CCNG2: variants seen among roughly 807,000 people sequenced by gnomAD.
The protein encoded by CCNG2 is cyclin G2.
In CCNG2, 20 loss-of-function variants were observed where a neutral mutation model predicts 36.5. That is an observed-to-expected ratio of 0.55 (90% CI 0.39 to 0.80). The LOEUF (loss-of-function observed/expected upper bound fraction) is 0.80. Among genes scored for constraint, CCNG2 ranks in the 30% least tolerant of loss-of-function variants. The probability of loss-of-function intolerance (pLI) is 0.00; values close to 1 mark genes in which losing one functional copy is unlikely to be tolerated. For missense variants in CCNG2, 358 were observed against 390.8 expected (o/e 0.92, Z 0.71); for synonymous variants, 155 against 140.1 (o/e 1.11, Z -0.75).
At chr4:77,158,736 C>G (rs1444853921) in intron 2 of CCNG2, 66 bp downstream of exon 2, 6 of 1,562,096 alleles carry the variant, frequency 3.8e-6, no homozygotes, top group Non-Finnish European at 5.3e-6. Context: ...AACCCCCCCG[C>G]CCCCGTTGAA....
chr4:77,160,630 G>T (rs1287139111), intron 3 of CCNG2, 91 bp from the exon 4 acceptor site: 1 of 1,277,228 alleles, frequency 7.8e-7, no homozygotes, highest in East Asian at 2.3e-5. Context: ...ATTGTGTTCT[G>T]TCTTAAGAAT....
At chr4:77,161,795 A>G (rs753166871) in intron 6 of CCNG2, 48 bp downstream of exon 6, 2 of 1,183,450 alleles carry the variant, frequency 1.7e-6, no homozygotes, top group East Asian at 2.3e-5. Flanking sequence ...CCTGATGTTT[A>G]TTTTTTTCTG....
rs764910170 is a variant in CCNG2, at chr4:77,165,907, C to G, written c.1018C>G (p.Leu340Val). The G allele has an allele frequency of 6.2e-7, 1 of 1,603,164 alleles. No homozygotes were observed. The highest frequency in any genetic ancestry group is 1.1e-5 in the South Asian group (1 of 88,768). The change falls in exon 8 of 8, where the codon CTG (leucine) becomes GTG (valine). Residue 340 changes from leucine (L) to valine (V), a missense_variant. Leu to Val is a conservative substitution (Grantham distance 32, BLOSUM62 1). Coordinates refer to ENST00000316355, the MANE Select transcript of CCNG2 (RefSeq NM_004354.3). Reference protein sequence around the residue: ...FFFNFKVAQTLCFPS With the variant: ...FFFNFKVAQTVCFPS ...TTTCAACTTCAAAGTGGCACAAACA[C>G]TGTGCTTTCCATCTTAGAAATCTGA...
chr4:77,163,662 AAGG>A (rs746916146), intron 6 of CCNG2, among the ~76,000 whole-genome samples: 22 of 152,368 alleles, frequency 1.4e-4, no homozygotes, highest in Non-Finnish European at 2.6e-4. Context: ...AGGCATTCCG[AAGG>A]AGGAGGGAAA....
At chr4:77,163,077 A>G (rs1022644100) in intron 6 of CCNG2, among the ~76,000 whole-genome samples, 1 of 152,072 alleles carries the variant, frequency 6.6e-6, no homozygotes, top group Admixed American at 6.6e-5. Flanking sequence ...GTGGGTGTCT[A>G]GTAGGTGTTT....
chr4:77,158,100 C>A (rs1269973258), intron 1 of CCNG2, among the ~76,000 whole-genome samples: 1 of 152,086 alleles, frequency 6.6e-6, no homozygotes, highest in East Asian at 1.9e-4. Flanking sequence ...CTTCTTTGTT[C>A]AGTCGCGAGA....
At position 77,168,302 on chromosome 4, in the gene CCNG2, T is replaced by C. The variant is rs1731680698; in HGVS notation, c.*2378T>C. The C allele has an allele frequency of 2.0e-5, 3 of 152,370 alleles. No individual in the cohort carries two copies. The South Asian group carries it at 6.2e-4, about 32-fold the overall frequency. 9.4% of individuals were successfully genotyped at this position (152,370 alleles called of 1,614,324 possible). A position where few individuals can be genotyped will look rare whatever the true frequency, so the allele number is the denominator to read the frequency against. On this transcript the variant is annotated 3_prime_UTR_variant, in exon 8 of 8. Transcript: ENST00000316355. ...TCTCTGTCCCCCCTTTTTCTGCCAT[T>C]GGCATGGTTTAGACCTGTACTCTTT... is the stretch of plus-strand genomic sequence containing the variant.
chr4:77,157,881 G>C (rs1248655681), intron 1 of CCNG2, among the ~76,000 whole-genome samples: 1 of 152,116 alleles, frequency 6.6e-6, no homozygotes, highest in Non-Finnish European at 1.5e-5. Flanking sequence ...GCGCGGGGCG[G>C]GCGGGCTGGA....
rs1401115006 is a variant in CCNG2, at chr4:77,169,420, G to A, written c.*3496G>A. On this transcript the variant is annotated 3_prime_UTR_variant, in exon 8 of 8. Coordinates refer to ENST00000316355, the MANE Select transcript of CCNG2 (RefSeq NM_004354.3). ...CTTTGTGTTTAGCAAATCAAATTGT[G>A]TGATAGATAGTTTCCCAGTATGATG... The A allele has an allele frequency of 2.6e-5, 4 of 152,200 alleles. No homozygotes were observed. Among genetic ancestry groups the A allele is most frequent in the African/African-American group, 9.7e-5 (4 of 41,430 alleles). 9.4% of individuals were successfully genotyped at this position (152,200 alleles called of 1,614,324 possible).
At chr4:77,164,747 G>T in intron 7 of CCNG2, 1 of 287,002 alleles carries the variant, frequency 3.5e-6, no homozygotes, top group Non-Finnish European at 6.6e-6. Flanking sequence ...GTTGCCCAGG[G>T]CTGGTCTTAC....
In CCNG2 at chr4:77,169,201, T is replaced by C. The variant is rs748764912; in HGVS notation, c.*3277T>C. The C allele has an allele frequency of 1.3e-5, 2 of 152,222 alleles. No homozygotes were observed. The highest frequency in any genetic ancestry group is 6.5e-5 in the Admixed American group (1 of 15,282). 9.4% of individuals were successfully genotyped at this position (152,222 alleles called of 1,614,324 possible). ...GCCTTTTTCTTTTTTACAATTTCTT[T>C]TATTTCAACACTAGGTTTCAATATG... On this transcript the variant is annotated 3_prime_UTR_variant, in exon 8 of 8. Transcript: ENST00000316355.
chr4:77,160,979 G>A lies in CCNG2; in HGVS notation c.527+8G>A, dbSNP rs1277182791. Reference sequence around the variant, plus strand: ...TTGTCATACTTCAGAAAGGTCAGTGGGATTAAAGATACATTTTGTACTTTG... The same window carrying A: ...TTGTCATACTTCAGAAAGGTCAGTGAGATTAAAGATACATTTTGTACTTTG... On this transcript the variant is annotated splice_region_variant and intron_variant, in intron 4 of 7. Transcript: ENST00000316355. 1.3e-6 allele frequency: 2 copies of A among 1,589,894 alleles called. No homozygotes were observed. The highest frequency in any genetic ancestry group is 1.7e-6 in the Non-Finnish European group (2 of 1,171,356).
intron 6 of CCNG2, 96 bp from the exon 7 acceptor site, chr4:77,164,178 T>TAC: frequency 1.4e-6 from 1 of 696,670 alleles, no homozygotes; most frequent in Non-Finnish European, 2.4e-6. Context: ...GCCAGGCATC[T>TAC]ATATATATAT....
At chr4:77,161,078 A>G in intron 4 of CCNG2, 107 bp downstream of exon 4, 2 of 762,586 alleles carry the variant, frequency 2.6e-6, no homozygotes, top group Non-Finnish European at 4.0e-6. Flanking sequence ...CAAACTTTCA[A>G]CTTTGACTTT....
chr4:77,160,207 A>G (rs1236789431), intron 3 of CCNG2, among the ~76,000 whole-genome samples: 2 of 152,146 alleles, frequency 1.3e-5, no homozygotes, highest in African/African-American at 4.8e-5. Flanking sequence ...TTTTGGTGTT[A>G]AAAAGCTTAA....
chr4:77,161,681 G>T lies in CCNG2; in HGVS notation c.639G>T (p.Leu213Phe), dbSNP rs777437430. 5.0e-6 allele frequency: 8 copies of T among 1,607,758 alleles called. No homozygotes were observed. The East Asian group carries it at 1.8e-4, about 36-fold the overall frequency. Residue 213 changes from leucine (L) to phenylalanine (F), a missense_variant, in exon 6 of 8, where the codon TTG becomes TTT. By Grantham distance (22) the Leu-to-Phe change is conservative. Transcript: ENST00000316355. ...TATTAGCCTTGTGCCTTCTCAATTT[G>T]GAAGTGGAAACTTTGAAATCTGTTG... ...PSVLALCLLN[L>F]EVETLKSVEL...
intron 3 of CCNG2, among the ~76,000 whole-genome samples, 181 bp from the exon 4 acceptor site, chr4:77,160,540 G>A (rs1463957317): frequency 2.0e-5 from 3 of 149,538 alleles, no homozygotes; most frequent in Non-Finnish European, 4.4e-5. Context: ...TTGGGGGGGG[G>A]GGGAGGTCGA....
chr4:77,159,931 A>C (rs926348060), intron 3 of CCNG2, among the ~76,000 whole-genome samples: 1 of 152,192 alleles, frequency 6.6e-6, no homozygotes, highest in Non-Finnish European at 1.5e-5. Context: ...GCAGGGAGCC[A>C]TGGTTTTATT....
Position 77,161,480 on chromosome 4 carries a change from G to T in CCNG2, c.528G>T (p.Arg176Ser). The T allele has an allele frequency of 1.3e-6, 2 of 1,584,518 alleles. No individual in the cohort carries two copies. The highest frequency in any genetic ancestry group is 1.7e-6 in the Non-Finnish European group (2 of 1,164,436). ...AATCTTTGTTCTTTGCATTGTATAG[G>T]AAAGAAATACTGAGCCTTGATAAAC... ...HTIILCHTSE[R>S]KEILSLDKLE... Residue 176 changes from arginine to serine, a missense_variant and splice_region_variant, in exon 5 of 8, where the codon AGG (arginine) becomes AGT (serine). Physicochemically the swap from Arg to Ser is moderately radical, Grantham distance 110. Transcript: ENST00000316355.
Sources: gnomAD v4.1 joint callset for allele counts (sites outside exome capture counted in the v4.1 genomes callset) on GRCh38, gnomAD v4.1.1 for gene constraint, MANE v1.5 for transcripts, NCBI Gene and HGNC (gene_info 2026-07-23, HGNC 2026-07-21) for gene names.